Variants in FYCO1 observed in about 807,000 individuals in gnomAD.
FYCO1 encodes FYVE and coiled-coil domain autophagy adaptor 1.
FYCO1 carries 122 observed loss-of-function variants against 165.1 expected under a neutral mutation model. That is an observed-to-expected ratio of 0.74 (90% CI 0.64 to 0.86). The LOEUF (loss-of-function observed/expected upper bound fraction) is 0.86, where lower values mean the gene tolerates loss of function less well. Among genes scored for constraint, FYCO1 ranks in the 40% least tolerant of loss-of-function variants. The pLI is 0.00. For synonymous variants in FYCO1, 648 were observed against 742.5 expected (o/e 0.87, Z 2.07); for missense variants, 1,702 against 1,810.3 (o/e 0.94, Z 1.09).
chr3:45,966,646 C>T lies in FYCO1; in HGVS notation c.2688G>A (p.Glu896=), dbSNP rs1348511351. ...EAQLEHAELQ[E]QLHRANTDTA... is the part of the protein sequence containing the mutation. Reference sequence around the variant, plus strand: ...TGTCTGTGTTGGCCCGGTGCAGCTGCTCTTGCAGCTCAGCGTGCTCCAGCT... The same window carrying T: ...TGTCTGTGTTGGCCCGGTGCAGCTGTTCTTGCAGCTCAGCGTGCTCCAGCT... Residue 896 remains glutamate (E), a synonymous_variant, in exon 8 of 18, where the codon GAG becomes GAA. Transcript: ENST00000296137. 2 of 1,614,144 alleles carry T rather than the reference C, an allele frequency of 1.2e-6. No homozygotes were observed. The highest frequency in any genetic ancestry group is 1.1e-5 in the South Asian group (1 of 91,084).
intron 14 of FYCO1, chr3:45,945,602 A>C (rs1704541508): frequency 6.6e-6 from 1 of 152,142 alleles, no homozygotes; most frequent in African/African-American, 2.4e-5. Context: ...CCTGCCAATC[A>C]CAGGAGCTAA....
rs1263015728 is a variant in FYCO1 at position 45,955,266 on chromosome 3, G to A, written c.3927C>T (p.Asp1309=). Residue 1309 remains aspartate, a synonymous_variant, in exon 14 of 18, where the codon GAC becomes GAT. Coordinates refer to ENST00000296137, the MANE Select transcript of FYCO1 (RefSeq NM_024513.4). The part of the protein sequence containing the change: ...PETPTETDSL[D]PNAAEQDTTS... ...CTACTCACTGTTCAGCCGCATTTGG[G>A]TCGAGAGAATCAGTTTCAGTGGGTG... The A allele has an allele frequency of 1.2e-6, 2 of 1,613,940 alleles. No individual in the cohort carries two copies. The highest frequency in any genetic ancestry group is 3.3e-5 in the Admixed American group (2 of 60,006).
At chr3:45,927,730 T>C (rs762675978) in intron 16 of FYCO1, among the ~76,000 whole-genome samples, 1 of 152,224 alleles carries the variant, frequency 6.6e-6, no homozygotes, top group Non-Finnish European at 1.5e-5. Context: ...TCTGTTTCTG[T>C]GATCCACAAC....
At chr3:45,937,306 G>C (rs1703951081) in intron 14 of FYCO1, among the ~76,000 whole-genome samples, 1 of 152,228 alleles carries the variant, frequency 6.6e-6, no homozygotes, top group Non-Finnish European at 1.5e-5. Context: ...ATGCAGTGTG[G>C]CTTCTTTCTA....
In FYCO1 at chr3:45,920,552, G is replaced by C. The variant is rs1231838878; in HGVS notation, c.*1213C>G. ...GTTGTTGGGGAAGAAAAGGACCACA[G>C]AGAACAGGGAAGATTAAATAATTCT... On this transcript the variant is annotated 3_prime_UTR_variant, in exon 18 of 18. Transcript: ENST00000296137. The C allele has an allele frequency of 1.3e-5, 2 of 152,334 alleles. No individual in the cohort carries two copies. Among genetic ancestry groups the C allele is most frequent in the African/African-American group, 4.8e-5 (2 of 41,412 alleles). The allele number at this position is 152,334 out of a possible 1,614,324, so 9.4% of individuals were successfully genotyped here.
In FYCO1 at chr3:45,958,399, G is replaced by A. The variant is rs753119118; in HGVS notation, c.3799+9C>T. Reference sequence around the variant, plus strand: ...AGAACATAGTAGGCAGTAGTAGCAGGAGACTGACCTTGGCCTCCTGTGGCC... The same window carrying A: ...AGAACATAGTAGGCAGTAGTAGCAGAAGACTGACCTTGGCCTCCTGTGGCC... On this transcript the variant is annotated intron_variant, in intron 13 of 17. Transcript: ENST00000296137. 1.2e-6 allele frequency: 2 copies of A among 1,611,172 alleles called. No homozygotes were observed. Among genetic ancestry groups the A allele is most frequent in the African/African-American group, 2.7e-5 (2 of 74,870 alleles).
At chr3:45,979,939 G>A (rs1706964907) in intron 3 of FYCO1, 109 bp from the exon 4 acceptor site, 2 of 1,341,898 alleles carry the variant, frequency 1.5e-6, no homozygotes. Flanking sequence ...CACTGGGTGA[G>A]GCCCTTTATT....
At chr3:45,980,284 G>A (rs1020323323) in intron 3 of FYCO1, among the ~76,000 whole-genome samples, 3 of 151,798 alleles carry the variant, frequency 2.0e-5, no homozygotes, top group African/African-American at 7.3e-5. Flanking sequence ...AGGAGGCAGA[G>A]GTAGCAGTGA....
chr3:45,928,844 ACAGTGAGCTC>A (rs1703448931), intron 16 of FYCO1, among the ~76,000 whole-genome samples: 1 of 152,196 alleles, frequency 6.6e-6, no homozygotes, highest in Non-Finnish European at 1.5e-5. Context: ...CTCTGATTAC[ACAGTGAGCTC>A]CTCAACGGGA....
At chr3:45,987,689 G>A (rs7619256) in intron 1 of FYCO1, among the ~76,000 whole-genome samples, 20,160 of 152,222 alleles carry the variant, frequency 0.13, 4,517 homozygotes, top group African/African-American at 0.46. Flanking sequence ...TTTAAATGCA[G>A]CCCACTGGGT....
At chr3:45,988,911 A>T (rs1707442429) in intron 1 of FYCO1, among the ~76,000 whole-genome samples, 1 of 152,218 alleles carries the variant, frequency 6.6e-6, no homozygotes, top group South Asian at 2.1e-4. Flanking sequence ...GATGCCCTAA[A>T]TGCCTTAAAC....
chr3:45,964,416 AG>A lies in FYCO1; in HGVS notation c.3188del (p.Thr1063IlefsTer13). On this transcript the variant is annotated frameshift_variant, in exon 10 of 18. Transcript: ENST00000296137. LOFTEE classifies it high-confidence loss of function. The surrounding 1 kb of genome is among the most constrained non-coding windows in gnomAD (Gnocchi z 4.1). ...QADMGEKLSC[T>X]SNHLAECQAA... is the part of the protein sequence containing the mutation. ...CCTGGCACTCTGCAAGATGGTTGCT[AG>A]TGCAGCTCAGCTTCTCTCCCATGTC... 1.2e-6 allele frequency: 2 copies of A among 1,614,090 alleles called. No homozygotes were observed. The highest frequency in any genetic ancestry group is 1.7e-6 in the Non-Finnish European group (2 of 1,179,954).
intron 11 of FYCO1, among the ~76,000 whole-genome samples, chr3:45,960,686 T>A (rs1389196585): frequency 6.6e-6 from 1 of 152,252 alleles, no homozygotes; most frequent in African/African-American, 2.4e-5. Context: ...TGAATTAGCA[T>A]ATCTAGGCTT....
At chr3:45,972,999 C>A (rs1706528639) in intron 6 of FYCO1, 89 bp downstream of exon 6, 2 of 1,431,770 alleles carry the variant, frequency 1.4e-6, no homozygotes, top group Admixed American at 3.5e-5. Flanking sequence ...ACTGAGCAAG[C>A]AAAATTGTTT....
rs1457694239 is a variant in FYCO1 at position 45,923,689 on chromosome 3, A to G, written c.4328T>C (p.Ile1443Thr). 2 of 1,613,990 alleles carry G rather than the reference A, an allele frequency of 1.2e-6. No individual in the cohort carries two copies. The highest frequency in any genetic ancestry group is 2.2e-5 in the East Asian group (1 of 44,890). Residue 1443 changes from isoleucine (I) to threonine (T), a missense_variant, in exon 17 of 18, where the codon ATC becomes ACC. Ile to Thr is a moderately conservative substitution (Grantham distance 89). Transcript: ENST00000296137. ...QGQLKVRTPG[I>T]YMLIFDNTFS... is the part of the protein sequence containing the mutation. ...GGTATTGTCGAAGATGAGCATGTAG[A>G]TGCCGGGTGTGCGAACCTTGAGCTG...
At position 45,967,585 on chromosome 3, in the gene FYCO1, C is replaced by T. The variant is rs757679610; in HGVS notation, c.1749G>A (p.Glu583=). 6.2e-7 allele frequency: 1 copy of T among 1,614,020 alleles called. No homozygotes were observed. The highest frequency in any genetic ancestry group is 1.3e-5 in the African/African-American group (1 of 74,928). Reference sequence around the variant, plus strand: ...GCTCCTCCTCTGGCTTCCCCCAGGCCTCTTGCAGACTGGAGTTCACAGGGA... The same window carrying T: ...GCTCCTCCTCTGGCTTCCCCCAGGCTTCTTGCAGACTGGAGTTCACAGGGA... The part of the protein sequence containing the change: ...ALVPVNSSLQ[E]AWGKPEEEQR... The change falls in exon 8 of 18, where the codon GAG becomes GAA. Residue 583 remains glutamate, a synonymous_variant. Transcript: ENST00000296137.
chr3:45,967,509 T>G lies in FYCO1; in HGVS notation c.1825A>C (p.Ser609Arg). Residue 609 changes from serine to arginine, a missense_variant, in exon 8 of 18, where the codon AGC becomes CGC. By Grantham distance (110) the Ser-to-Arg change is moderately radical. Transcript: ENST00000296137. ...GCCTGCCGGAGCTCTTCCTCCTGGC[T>G]GCCCTCTTGCACCTTGGTATCGTCT... Reference protein sequence around the residue: ...QLDDTKVQEGSQEEELRQANR... With the variant: ...QLDDTKVQEGRQEEELRQANR... 6.2e-7 allele frequency: 1 copy of G among 1,613,744 alleles called. No homozygotes were observed. Among genetic ancestry groups the G allele is most frequent in the Non-Finnish European group, 8.5e-7 (1 of 1,179,970 alleles).
At chr3:45,930,363 A>G (rs964911750) in intron 16 of FYCO1, among the ~76,000 whole-genome samples, 1 of 152,060 alleles carries the variant, frequency 6.6e-6, no homozygotes, top group Non-Finnish European at 1.5e-5. Flanking sequence ...CCACCCATGG[A>G]GCCCTGCCCA....
At chr3:45,994,066 A>G (rs1387978706) in intron 1 of FYCO1, among the ~76,000 whole-genome samples, 1 of 152,150 alleles carries the variant, frequency 6.6e-6, no homozygotes. Context: ...ACAAACATCT[A>G]TGGGGGCCAT....
Sources: allele counts gnomAD v4.1 joint callset (sites outside exome capture counted in the v4.1 genomes callset), GRCh38; gene constraint gnomAD v4.1.1; non-coding constraint Gnocchi (gnomAD v3.1); transcripts MANE v1.5; gene names NCBI Gene and HGNC (gene_info 2026-07-23, HGNC 2026-07-21).